The following INSL6 variants were observed in gnomAD, a reference collection of about 807,000 sequenced individuals.
INSL6 encodes the protein insulin like 6, also known as insulin-like peptide INSL6.
In INSL6, 16 loss-of-function variants were observed where a neutral mutation model predicts 9.4. That is an observed-to-expected ratio of 1.70 (90% CI 1.15 to 2.59). The LOEUF (loss-of-function observed/expected upper bound fraction) is 2.59, where lower values mean the gene tolerates loss of function less well. INSL6 is among the 30% of genes most tolerant of loss of function. INSL6 has a pLI of 0.00. For synonymous variants in INSL6, 154 were observed against 96.9 expected, an observed-to-expected ratio of 1.59 and a Z score of -3.46; for missense variants, 391 against 257.3, an observed-to-expected ratio of 1.52 and a Z score of -3.56.
the INSL6 span, among the ~76,000 whole-genome samples, chr9:5,049,474 T>C: frequency 4.6e-5 from 7 of 152,240 alleles, no homozygotes; most frequent in Non-Finnish European, 8.8e-5. Flanking sequence ...CATTTCTTTA[T>C]TTTTAAACAC....
chr9:5,152,170 T>A lies in INSL6; in HGVS notation c.376+12009A>T, dbSNP rs7867390. ...ATTTCAACACTTTTATCTCACTAAC[T>A]GAGAGAACAAGAAAGCAAGATCAGT... is the stretch of plus-strand genomic sequence containing the variant. On this transcript the variant is annotated intron_variant, in intron 2 of 3. Transcript: ENST00000649639. Among the ~76,000 whole-genome samples, 886 of 152,268 alleles carry A rather than the reference T, an allele frequency of 5.8e-3. 9 individuals are homozygous for A. Among genetic ancestry groups the A allele is most frequent in the African/African-American group, 0.02 (847 of 41,570 alleles).
the INSL6 span, among the ~76,000 whole-genome samples, chr9:5,023,807 A>T: frequency 3.3e-5 from 5 of 152,134 alleles, no homozygotes; most frequent in African/African-American, 1.2e-4. Context: ...AGTTATCTTG[A>T]CTATATTGTA....
chr9:5,040,132 C>T, the INSL6 span, among the ~76,000 whole-genome samples: 1 of 152,164 alleles, frequency 6.6e-6, no homozygotes, highest in Non-Finnish European at 1.5e-5. Context: ...AAGGAATTGA[C>T]AGTCTCAATA....
the INSL6 span, among the ~76,000 whole-genome samples, chr9:5,080,997 G>A: frequency 6.9e-6 from 1 of 144,032 alleles, no homozygotes; most frequent in Non-Finnish European, 1.5e-5. Flanking sequence ...CAAGGTTCAC[G>A]CCATTCTCCT....
the INSL6 span, among the ~76,000 whole-genome samples, chr9:5,103,203 T>G: frequency 1.9e-5 from 1 of 53,532 alleles, no homozygotes; most frequent in East Asian, 5.9e-4. Flanking sequence ...GAGGAAGATC[T>G]ACCAAGCAAA....
chr9:5,134,397 C>T (rs951498506), intron 2 of INSL6, among the ~76,000 whole-genome samples: 1 of 152,130 alleles, frequency 6.6e-6, no homozygotes, highest in African/African-American at 2.4e-5. Flanking sequence ...TTGTCAGATT[C>T]ACCAAGGTTG....
chr9:5,064,671 GAACTAT>G, the INSL6 span, among the ~76,000 whole-genome samples: 2 of 152,124 alleles, frequency 1.3e-5, no homozygotes, highest in Non-Finnish European at 2.9e-5. Context: ...GCTATAGAGT[GAACTAT>G]AACTGGGAAG....
chr9:5,113,059 C>T, the INSL6 span, among the ~76,000 whole-genome samples: 12 of 152,058 alleles, frequency 7.9e-5, no homozygotes, highest in African/African-American at 2.7e-4. Context: ...TCCAGGAGCT[C>T]CCTGGGACCC....
At chr9:5,035,374 C>A in the INSL6 span, among the ~76,000 whole-genome samples, 1 of 152,238 alleles carries the variant, frequency 6.6e-6, no homozygotes, top group Admixed American at 6.5e-5. Flanking sequence ...TCCTCCCTAA[C>A]TCATTTTATG....
In INSL6 at chr9:5,133,334, C is replaced by G. The variant is rs147114097; in HGVS notation, c.*10+91G>C. ...ATAACCTCAATATGATAAGCAGATA[C>G]GACAGTGTCAGAAAAGCTAAGAGTA... On this transcript the variant is annotated intron_variant, in intron 3 of 3. Coordinates refer to the INSL6 transcript ENST00000649639. 1.2e-4 allele frequency: 18 copies of G among 152,052 alleles called. No homozygotes were observed. The East Asian group carries it at 3.5e-3, about 29-fold the overall frequency. 9.4% of individuals were successfully genotyped at this position (152,052 alleles called of 1,614,324 possible). A position where few individuals can be genotyped will look rare whatever the true frequency, so the allele number is the denominator to read the frequency against.
chr9:5,155,364 T>C (rs1465894955), intron 2 of INSL6, among the ~76,000 whole-genome samples: 4 of 148,174 alleles, frequency 2.7e-5, no homozygotes, highest in African/African-American at 1.0e-4. Context: ...TTAGGAGATA[T>C]ACCTAATGTT....
intron 1 of INSL6, among the ~76,000 whole-genome samples, chr9:5,180,728 C>T (rs1188254854): frequency 6.6e-6 from 1 of 152,190 alleles, no homozygotes; most frequent in East Asian, 1.9e-4. Flanking sequence ...CAAGACAATA[C>T]ATGCACCACT....
At chr9:5,123,161 T>G (rs1376719361), downstream of INSL6, 1 of 1,366,012 alleles carries the variant, frequency 7.3e-7, no homozygotes, top group East Asian at 2.3e-5. Context: ...TTTTGTTTGT[T>G]CGTTTGATTT....
chr9:5,004,882 G>C, the INSL6 span, among the ~76,000 whole-genome samples: 1 of 148,392 alleles, frequency 6.7e-6, no homozygotes, highest in South Asian at 2.1e-4. Context: ...GATGTTGAAC[G>C]TTTTTTCATG....
the INSL6 span, among the ~76,000 whole-genome samples, chr9:5,042,151 G>T: frequency 6.6e-5 from 8 of 120,878 alleles, no homozygotes; most frequent in East Asian, 2.4e-4. Flanking sequence ...TTTTTTTTGA[G>T]ACGGAGTCTC....
chr9:5,130,086 G>A lies in INSL6; in HGVS notation c.*10+3339C>T, dbSNP rs546334654. ...ACTGAAACACCAGTCTTACTACTACGGTTTTAAAAGTTGTTAATGATCATT... is the reference window on the plus strand; with the variant it reads ...ACTGAAACACCAGTCTTACTACTACAGTTTTAAAAGTTGTTAATGATCATT... On this transcript the variant is annotated intron_variant, in intron 3 of 3. Coordinates refer to the INSL6 transcript ENST00000649639. 4.0e-5 allele frequency among the ~76,000 whole-genome samples: 6 copies of A among 151,866 alleles called. No homozygotes were observed. In the East Asian group the frequency reaches 5.8e-4, roughly 15 times the overall value.
chr9:5,169,111 A>C (rs1236830693), intron 1 of INSL6, among the ~76,000 whole-genome samples: 1 of 152,204 alleles, frequency 6.6e-6, no homozygotes, highest in East Asian at 1.9e-4. Context: ...TTTTTAGTAA[A>C]GACAGGGTTT....
chr9:5,069,256 T>C, the INSL6 span: 4 of 1,320,352 alleles, frequency 3.0e-6, no homozygotes, highest in Middle Eastern at 2.0e-4. Flanking sequence ...ATGGATTGTT[T>C]ATGTGGCGTG....
chr9:5,047,027 G>C, the INSL6 span, among the ~76,000 whole-genome samples: 1 of 152,032 alleles, frequency 6.6e-6, no homozygotes, highest in African/African-American at 2.4e-5. Flanking sequence ...ATCCTTCTAG[G>C]AAGGATTGTC....
Sources: gnomAD v4.1 joint callset for allele counts (sites outside exome capture counted in the v4.1 genomes callset) on GRCh38, gnomAD v4.1.1 for gene constraint, MANE v1.5 for transcripts, NCBI Gene and HGNC (gene_info 2026-07-23, HGNC 2026-07-21) for gene names.